The following MEGF9 variants were observed in gnomAD, a reference collection of about 807,000 sequenced individuals.
The protein encoded by MEGF9 is multiple EGF like domains 9, also known as multiple epidermal growth factor-like domains protein 9.
MEGF9 carries 6 observed loss-of-function variants against 46.8 expected under a neutral mutation model. The observed-to-expected ratio is 0.13, with a 90% confidence interval of 0.07 to 0.25. The LOEUF (loss-of-function observed/expected upper bound fraction) is 0.25. Ranked by LOEUF, MEGF9 falls within the 10% of genes least tolerant of loss-of-function variation. MEGF9 has a pLI of 1.00. For synonymous variants in MEGF9, 302 were observed against 330.7 expected (o/e 0.91, Z 0.94); for missense variants, 683 against 792.4 (o/e 0.86, Z 1.66).
intron 1 of MEGF9, among the ~76,000 whole-genome samples, chr9:120,711,361 TAA>T (rs1325994397): frequency 2.0e-5 from 3 of 152,362 alleles, no homozygotes; most frequent in Middle Eastern, 3.4e-3. Flanking sequence ...GATACATAGT[TAA>T]GTGAATACCA....
intron 1 of MEGF9, among the ~76,000 whole-genome samples, chr9:120,673,491 A>G (rs965827131): frequency 2.0e-5 from 3 of 152,168 alleles, no homozygotes; most frequent in Non-Finnish European, 2.9e-5. Context: ...CACAAAAGCC[A>G]ATGGAATAGA....
In MEGF9 at chr9:120,603,876, A is replaced by AT. The variant is rs2043408284; in HGVS notation, c.*1313_*1314insA. On this transcript the variant is annotated 3_prime_UTR_variant, in exon 6 of 6. Coordinates refer to ENST00000373930, the MANE Select transcript of MEGF9 (RefSeq NM_001080497.3). The stretch of plus-strand genomic sequence containing the variant: ...GTGACAGGCTATGTTCACATGTAGG[A>AT]GATTTTTTATTTGGGGTGAGGGAGG... 1.3e-5 allele frequency: 2 copies of AT among 152,626 alleles called. No individual in the cohort carries two copies. Among genetic ancestry groups the AT allele is most frequent in the Admixed American group, 1.3e-4 (2 of 15,276 alleles). 9.5% of individuals were successfully genotyped at this position (152,626 alleles called of 1,614,324 possible). A position where few individuals can be genotyped will look rare whatever the true frequency, so the allele number is the denominator to read the frequency against.
chr9:120,680,856 A>G (rs548342046), intron 1 of MEGF9, among the ~76,000 whole-genome samples: 4 of 152,078 alleles, frequency 2.6e-5, no homozygotes, highest in Non-Finnish European at 4.4e-5. Flanking sequence ...TGTTCATTTA[A>G]GGCCCAAGGG....
At chr9:120,674,295 T>A (rs2043763217) in intron 1 of MEGF9, among the ~76,000 whole-genome samples, 1 of 151,918 alleles carries the variant, frequency 6.6e-6, no homozygotes, top group African/African-American at 2.4e-5. Flanking sequence ...AACCCAACAA[T>A]AAGGAAATAA....
intron 1 of MEGF9, among the ~76,000 whole-genome samples, chr9:120,670,951 A>C (rs1425071928): frequency 6.6e-6 from 1 of 152,228 alleles, no homozygotes; most frequent in Admixed American, 6.5e-5. Flanking sequence ...TTCTCAAACA[A>C]AAATACAGAC....
intron 2 of MEGF9, among the ~76,000 whole-genome samples, chr9:120,634,516 G>A (rs1234138208): frequency 1.7e-5 from 2 of 117,594 alleles, no homozygotes; most frequent in African/African-American, 4.3e-5. Context: ...GTGCAGTGGC[G>A]CAATCTTGGC....
At chr9:120,682,065 T>C (rs552036520) in intron 1 of MEGF9, among the ~76,000 whole-genome samples, 3 of 152,320 alleles carry the variant, frequency 2.0e-5, no homozygotes, top group East Asian at 3.9e-4. Context: ...AAAACACCTA[T>C]GACAGTGGCC....
At chr9:120,699,847 T>A (rs935222228) in intron 1 of MEGF9, among the ~76,000 whole-genome samples, 1 of 152,158 alleles carries the variant, frequency 6.6e-6, no homozygotes, top group African/African-American at 2.4e-5. Flanking sequence ...TATTTTGTTT[T>A]CTCAAGGTAG....
intron 1 of MEGF9, among the ~76,000 whole-genome samples, chr9:120,666,923 G>A (rs1394614240): frequency 1.3e-5 from 2 of 152,156 alleles, no homozygotes; most frequent in African/African-American, 4.8e-5. Context: ...CCAGGAGCTG[G>A]GGGCAGGAGG....
At chr9:120,683,040 G>A (rs1226339103) in intron 1 of MEGF9, among the ~76,000 whole-genome samples, 1 of 152,162 alleles carries the variant, frequency 6.6e-6, no homozygotes, top group Non-Finnish European at 1.5e-5. Context: ...AAGACTAATA[G>A]GGAGGAATAG....
intron 1 of MEGF9, among the ~76,000 whole-genome samples, chr9:120,704,547 G>A (rs1162897370): frequency 2.0e-5 from 3 of 152,084 alleles, no homozygotes; most frequent in Non-Finnish European, 2.9e-5. Context: ...AGCTAAACAA[G>A]ACAAGATTTA....
At chr9:120,611,479 A>G (rs1256544483) in intron 4 of MEGF9, among the ~76,000 whole-genome samples, 1 of 152,176 alleles carries the variant, frequency 6.6e-6, no homozygotes, top group Non-Finnish European at 1.5e-5. Flanking sequence ...CTAAGTGAAA[A>G]AAGCCAGACA....
chr9:120,638,233 T>A (rs1323968508), intron 2 of MEGF9, among the ~76,000 whole-genome samples: 3 of 152,160 alleles, frequency 2.0e-5, no homozygotes, highest in African/African-American at 7.2e-5. Context: ...TTCAAGTGAT[T>A]CTCCCACATT....
chr9:120,665,243 T>C (rs1479040078), intron 1 of MEGF9, among the ~76,000 whole-genome samples: 1 of 151,796 alleles, frequency 6.6e-6, no homozygotes, highest in Non-Finnish European at 1.5e-5. Context: ...TCTCACTCTG[T>C]AGCCTAGGCT....
At chr9:120,648,980 A>G (rs2043637433) in intron 2 of MEGF9, among the ~76,000 whole-genome samples, 1 of 152,228 alleles carries the variant, frequency 6.6e-6, no homozygotes, top group Non-Finnish European at 1.5e-5. Context: ...GCTTGGCTCC[A>G]GGACCTTCCC....
At chr9:120,639,342 C>G (rs150266913) in intron 2 of MEGF9, among the ~76,000 whole-genome samples, 1 of 151,570 alleles carries the variant, frequency 6.6e-6, no homozygotes, top group African/African-American at 2.4e-5. Context: ...GACCCTGTCT[C>G]CACTAAAAAT....
At chr9:120,703,743 C>T (rs561992102) in intron 1 of MEGF9, among the ~76,000 whole-genome samples, 7 of 152,072 alleles carry the variant, frequency 4.6e-5, no homozygotes, top group South Asian at 4.1e-4. Flanking sequence ...GAGGCTGAGA[C>T]GGGTGGATCA....
chr9:120,655,668 A>C (rs2043673594), intron 2 of MEGF9, among the ~76,000 whole-genome samples: 1 of 152,240 alleles, frequency 6.6e-6, no homozygotes, highest in Non-Finnish European at 1.5e-5. Context: ...GTCAACCCCA[A>C]AAAACTAACC....
intron 2 of MEGF9, among the ~76,000 whole-genome samples, chr9:120,627,733 G>A (rs2043531576): frequency 6.6e-6 from 1 of 152,214 alleles, no homozygotes. Flanking sequence ...CAAGTGCTGG[G>A]ATTACAGGTG....
Sources: gnomAD v4.1 joint callset for allele counts (sites outside exome capture counted in the v4.1 genomes callset) on GRCh38, gnomAD v4.1.1 for gene constraint, MANE v1.5 for transcripts, NCBI Gene and HGNC (gene_info 2026-07-23, HGNC 2026-07-21) for gene names.